The following MGMT variants were observed in gnomAD, a reference collection of about 807,000 sequenced individuals.
The protein encoded by MGMT is methylated-DNA--protein-cysteine methyltransferase.
MGMT carries 14 observed loss-of-function variants against 15.9 expected under a neutral mutation model. That is an observed-to-expected ratio of 0.88 (90% CI 0.58 to 1.37). The LOEUF (loss-of-function observed/expected upper bound fraction) is 1.37, where lower values mean the gene tolerates loss of function less well. MGMT is among the 40% of genes most tolerant of loss of function. The pLI, the probability that MGMT is intolerant of heterozygous loss-of-function variation, is 0.00. For synonymous variants in MGMT, 130 were observed against 118.2 expected, an observed-to-expected ratio of 1.10 and a Z score of -0.65; for missense variants, 282 against 268.1, an observed-to-expected ratio of 1.05 and a Z score of -0.36.
chr10:129,470,471 A>C (rs374932179), intron 1 of MGMT, among the ~76,000 whole-genome samples: 28 of 152,338 alleles, frequency 1.8e-4, no homozygotes, highest in African/African-American at 6.5e-4. Context: ...GAATGTAATG[A>C]ATGACTGACT....
intron 2 of MGMT, among the ~76,000 whole-genome samples, chr10:129,547,596 G>A (rs1846111330): frequency 1.3e-5 from 2 of 152,116 alleles, no homozygotes; most frequent in African/African-American, 2.4e-5. Context: ...GGGGATTACC[G>A]TTTTCTTGCA....
At chr10:129,755,115 A>C (rs1446673386) in intron 3 of MGMT, among the ~76,000 whole-genome samples, 1 of 152,204 alleles carries the variant, frequency 6.6e-6, no homozygotes, top group Non-Finnish European at 1.5e-5. Context: ...GCCCTCACGT[A>C]GCTGCTCTGT....
At chr10:129,521,235 T>C (rs1338681972) in intron 1 of MGMT, among the ~76,000 whole-genome samples, 1 of 152,152 alleles carries the variant, frequency 6.6e-6, no homozygotes, top group Non-Finnish European at 1.5e-5. Flanking sequence ...TTTCATTATT[T>C]GGGAAGTGAG....
chr10:129,504,026 C>G (rs1845601110), intron 1 of MGMT, among the ~76,000 whole-genome samples: 1 of 152,118 alleles, frequency 6.6e-6, no homozygotes, highest in South Asian at 2.1e-4. Flanking sequence ...GTCTGATACC[C>G]ATAGTTCGTA....
intron 2 of MGMT, among the ~76,000 whole-genome samples, chr10:129,595,626 C>T (rs908016455): frequency 6.6e-5 from 10 of 152,096 alleles, no homozygotes; most frequent in Admixed American, 3.9e-4. Flanking sequence ...CTTCTTGGGG[C>T]GGGGCCCAGA....
intron 3 of MGMT, among the ~76,000 whole-genome samples, chr10:129,729,791 A>G (rs1848475733): frequency 6.6e-6 from 1 of 152,212 alleles, no homozygotes; most frequent in African/African-American, 2.4e-5. Context: ...TCAAAAGTTA[A>G]CTAATGGCGG....
At chr10:129,476,788 G>A (rs1358377809) in intron 1 of MGMT, among the ~76,000 whole-genome samples, 1 of 152,152 alleles carries the variant, frequency 6.6e-6, no homozygotes, top group East Asian at 1.9e-4. Flanking sequence ...AGGGTGTCCT[G>A]CACGCCCACA....
At chr10:129,677,362 C>T (rs897994125) in intron 2 of MGMT, among the ~76,000 whole-genome samples, 1 of 152,164 alleles carries the variant, frequency 6.6e-6, no homozygotes, top group Non-Finnish European at 1.5e-5. Flanking sequence ...TATGCTAACA[C>T]ATTTAAGCTT....
At chr10:129,602,117 A>G (rs1355073335) in intron 2 of MGMT, among the ~76,000 whole-genome samples, 1 of 152,154 alleles carries the variant, frequency 6.6e-6, no homozygotes, top group Non-Finnish European at 1.5e-5. Context: ...TTTTGATCAA[A>G]TGACCTGGTC....
intron 2 of MGMT, among the ~76,000 whole-genome samples, chr10:129,575,933 A>G (rs1433961681): frequency 6.6e-6 from 1 of 152,210 alleles, no homozygotes; most frequent in East Asian, 1.9e-4. Context: ...TAGAAAATCT[A>G]GAAGAAATGG....
intron 4 of MGMT, among the ~76,000 whole-genome samples, chr10:129,766,566 C>T (rs1001962986): frequency 4.6e-5 from 7 of 152,240 alleles, no homozygotes; most frequent in Admixed American, 1.3e-4. Context: ...ACACTCGTCC[C>T]TCCCCCAACC....
intron 2 of MGMT, chr10:129,701,793 G>C (rs1361449773): frequency 6.6e-6 from 1 of 152,094 alleles, no homozygotes; most frequent in African/African-American, 2.4e-5. Flanking sequence ...TGTCCAACAG[G>C]GGCCATTTCC....
At chr10:129,468,130 A>G (rs576075893) in intron 1 of MGMT, among the ~76,000 whole-genome samples, 1 of 152,264 alleles carries the variant, frequency 6.6e-6, no homozygotes, top group African/African-American at 2.4e-5. Flanking sequence ...ATTTACATAG[A>G]CATCCAAATA....
intron 2 of MGMT, among the ~76,000 whole-genome samples, chr10:129,552,263 C>T (rs1372351867): frequency 1.3e-5 from 2 of 152,222 alleles, no homozygotes; most frequent in Non-Finnish European, 2.9e-5. Context: ...TGGGCCGTGA[C>T]TGTGGCGCTC....
intron 3 of MGMT, among the ~76,000 whole-genome samples, chr10:129,731,015 C>T (rs1848489941): frequency 6.6e-6 from 1 of 152,172 alleles, no homozygotes; most frequent in Non-Finnish European, 1.5e-5. Flanking sequence ...TGTGGTGCCT[C>T]ACCTCCAGGA....
At chr10:129,680,287 G>A (rs1589932745) in intron 2 of MGMT, among the ~76,000 whole-genome samples, 1 of 152,342 alleles carries the variant, frequency 6.6e-6, no homozygotes, top group Admixed American at 6.5e-5. Flanking sequence ...ACACAGGTCA[G>A]CCTGAGTTCA....
intron 1 of MGMT, among the ~76,000 whole-genome samples, chr10:129,482,080 CAGAT>C (rs1201483658): frequency 6.6e-6 from 1 of 152,186 alleles, no homozygotes; most frequent in Non-Finnish European, 1.5e-5. Context: ...GGTGTGCTCA[CAGAT>C]AGACATGCTG....
intron 3 of MGMT, among the ~76,000 whole-genome samples, chr10:129,730,250 C>T (rs546496995): frequency 1.3e-3 from 205 of 152,260 alleles, no homozygotes; most frequent in African/African-American, 4.7e-3. Context: ...AACTCACTAC[C>T]AACTGCAGTG....
intron 2 of MGMT, among the ~76,000 whole-genome samples, chr10:129,601,993 CT>C (rs1372129419): frequency 6.6e-5 from 10 of 152,266 alleles, no homozygotes; most frequent in Non-Finnish European, 7.4e-5. Context: ...TCAGGCTCTG[CT>C]GAGCCTTTGA....
Sources: gnomAD v4.1 joint callset for allele counts (sites outside exome capture counted in the v4.1 genomes callset) on GRCh38, gnomAD v4.1.1 for gene constraint, MANE v1.5 for transcripts, NCBI Gene and HGNC (gene_info 2026-07-23, HGNC 2026-07-21) for gene names.